The following USP24 variants were observed in gnomAD, a reference collection of about 807,000 sequenced individuals.
USP24 encodes ubiquitin carboxyl-terminal hydrolase 24.
Under a neutral mutation model 361.6 loss-of-function variants are expected in USP24, and 97 were observed. The observed-to-expected ratio is 0.27, with a 90% confidence interval of 0.23 to 0.32. USP24 has a LOEUF of 0.32. USP24 is among the 10% of genes least tolerant of loss of function. The pLI is 1.00. For synonymous variants in USP24, 1,098 were observed against 1,124.6 expected, an observed-to-expected ratio of 0.98 and a Z score of 0.47; for missense variants, 2,353 against 3,165.6, an observed-to-expected ratio of 0.74 and a Z score of 6.16.
Position 55,137,375 on chromosome 1 carries a change from T to G in USP24, c.3201+140A>C. 4.4e-6 allele frequency: 5 copies of G among 1,133,500 alleles called. No individual in the cohort carries two copies. The South Asian group carries it at 7.7e-5, about 17-fold the overall frequency. The allele number at this position is 1,133,500 out of a possible 1,614,324, so 70.2% of individuals were successfully genotyped here. A position where few individuals can be genotyped will look rare whatever the true frequency, so the allele number is the denominator to read the frequency against. On this transcript the variant is annotated intron_variant, in intron 28 of 67. Transcript: ENST00000294383. ...GAAGGTGTAAGTGGGATGAAGAGAT[T>G]TTTTTAAGATGGAAGAAATAACACA...
chr1:55,151,092 A>C (rs1647180719), intron 16 of USP24, among the ~76,000 whole-genome samples: 1 of 152,214 alleles, frequency 6.6e-6, no homozygotes, highest in South Asian at 2.1e-4. Context: ...ATAAAAGTTC[A>C]TTGATACTGA....
At chr1:55,103,818 T>C in intron 42 of USP24, 58 bp downstream of exon 42, 2 of 1,543,734 alleles carry the variant, frequency 1.3e-6, no homozygotes, top group Non-Finnish European at 1.7e-6. Flanking sequence ...GTCTTAAAAT[T>C]ATATGTTTCA....
intron 1 of USP24, among the ~76,000 whole-genome samples, chr1:55,199,214 G>A (rs945830387): frequency 3.3e-5 from 5 of 152,066 alleles, no homozygotes; most frequent in Admixed American, 2.0e-4. Context: ...ACTTGAACCC[G>A]GGAGGTGGAG....
chr1:55,103,071 T>G (rs1034127518), intron 42 of USP24, among the ~76,000 whole-genome samples: 2 of 152,212 alleles, frequency 1.3e-5, no homozygotes, highest in African/African-American at 4.8e-5. Flanking sequence ...ACGGCAGCTT[T>G]GAAAGCATCT....
rs767194961 is a variant in USP24, at chr1:55,144,114, A to G, written c.2439+13T>C. On this transcript the variant is annotated intron_variant, in intron 21 of 67. Transcript: ENST00000294383. ...TTATCCAAACTATCTAGATTTGAGA[A>G]TAACGTACTTACCAACTGAGCTCCT... is the stretch of plus-strand genomic sequence containing the variant. The G allele has an allele frequency of 3.1e-6, 5 of 1,593,078 alleles. No homozygotes were observed. Among genetic ancestry groups the G allele is most frequent in the Admixed American group, 1.8e-5 (1 of 55,944 alleles).
chr1:55,141,765 G>A (rs768908072), intron 23 of USP24, 34 bp from the exon 24 acceptor site: 42 of 1,553,828 alleles, frequency 2.7e-5, no homozygotes, highest in Non-Finnish European at 3.7e-5. Flanking sequence ...CTCTATCAGG[G>A]TTTCTCAACC....
In USP24 at chr1:55,123,431, C is replaced by A; in HGVS notation, c.4276+16G>T. ...TTCCCTGAAAGAGATTAATCACAAA[C>A]AAGCCTCCAGCATACCCAGTTGCTG... On this transcript the variant is annotated intron_variant, in intron 36 of 67. Transcript: ENST00000294383. 2 of 1,551,740 alleles carry A rather than the reference C, an allele frequency of 1.3e-6. No individual in the cohort carries two copies. Among genetic ancestry groups the A allele is most frequent in the Non-Finnish European group, 1.7e-6 (2 of 1,147,528 alleles).
At chr1:55,076,475 T>C (rs1158530650) in intron 62 of USP24, among the ~76,000 whole-genome samples, 1 of 152,206 alleles carries the variant, frequency 6.6e-6, no homozygotes, top group Non-Finnish European at 1.5e-5. Flanking sequence ...CTATGGAGTA[T>C]CAAGAATTCG....
At chr1:55,178,897 A>AC (rs928094516) in intron 1 of USP24, among the ~76,000 whole-genome samples, 1 of 151,920 alleles carries the variant, frequency 6.6e-6, no homozygotes, top group African/African-American at 2.4e-5. Context: ...AACAACAACA[A>AC]AAAACTGCCC....
intron 3 of USP24, 67 bp from the exon 4 acceptor site, chr1:55,172,587 A>C (rs1236086943): frequency 4.7e-6 from 7 of 1,476,232 alleles, no homozygotes; most frequent in Non-Finnish European, 6.3e-6. Flanking sequence ...CAGTTTATCA[A>C]GTCCATCTCA....
At chr1:55,086,564 A>C (rs1261822151) in intron 55 of USP24, 1 of 154,464 alleles carries the variant, frequency 6.5e-6, no homozygotes, top group Admixed American at 6.4e-5. Context: ...TCAATGGTAA[A>C]ATGACACTTC....
At chr1:55,071,996 C>T (rs1211987670) in intron 66 of USP24, 72 bp from the exon 67 acceptor site, 7 of 1,337,428 alleles carry the variant, frequency 5.2e-6, no homozygotes, top group African/African-American at 1.4e-5. Context: ...CCAGGGAAGA[C>T]TACCTTTCAT....
At chr1:55,210,230 G>A (rs1181615249) in intron 1 of USP24, among the ~76,000 whole-genome samples, 2 of 152,062 alleles carry the variant, frequency 1.3e-5, no homozygotes, top group East Asian at 3.9e-4. Flanking sequence ...AATTCCCAAA[G>A]GAGATATATA....
At chr1:55,079,716 A>T in intron 59 of USP24, 57 bp from the exon 60 acceptor site, 1 of 1,478,944 alleles carries the variant, frequency 6.8e-7, no homozygotes, top group Non-Finnish European at 8.9e-7. Flanking sequence ...TACTCCACAA[A>T]ATACACATCC....
intron 1 of USP24, among the ~76,000 whole-genome samples, chr1:55,201,758 C>T (rs754995653): frequency 4.7e-4 from 71 of 151,710 alleles, no homozygotes; most frequent in Non-Finnish European, 8.5e-4. Flanking sequence ...GAAGAAAGAA[C>T]GGGAGGAGGT....
intron 35 of USP24, 36 bp from the exon 36 acceptor site, chr1:55,123,638 T>G: frequency 6.5e-7 from 1 of 1,539,526 alleles, no homozygotes; most frequent in Non-Finnish European, 8.8e-7. Context: ...CTGTGGATCC[T>G]ACAGGAACTA....
intron 16 of USP24, among the ~76,000 whole-genome samples, chr1:55,151,607 A>G (rs1387417054): frequency 6.6e-6 from 1 of 152,166 alleles, no homozygotes; most frequent in Non-Finnish European, 1.5e-5. Flanking sequence ...TTGGTTTAGT[A>G]ATTTTTTTTG....
intron 1 of USP24, among the ~76,000 whole-genome samples, chr1:55,195,044 C>T (rs1644381838): frequency 6.6e-6 from 1 of 152,136 alleles, no homozygotes; most frequent in Non-Finnish European, 1.5e-5. Context: ...AACGAAAACC[C>T]TAACCCCAAC....
chr1:55,171,409 AT>A (rs1649429364), intron 5 of USP24, 146 bp downstream of exon 5: 3 of 1,000,580 alleles, frequency 3.0e-6, no homozygotes, highest in South Asian at 3.9e-5. Context: ...CTGAAAAAAA[AT>A]GTAGGCAATT....
Sources: allele counts gnomAD v4.1 joint callset (sites outside exome capture counted in the v4.1 genomes callset), GRCh38; gene constraint gnomAD v4.1.1; transcripts MANE v1.5; gene names NCBI Gene and HGNC (gene_info 2026-07-23, HGNC 2026-07-21).